The following ACACA variants were observed in gnomAD, a reference collection of about 807,000 sequenced individuals.
ACACA encodes the protein acetyl-CoA carboxylase 1.
A neutral mutation model predicts 296.1 loss-of-function variants in ACACA; 103 were observed. The ratio of observed to expected loss-of-function variants is 0.35; its 90% confidence interval spans 0.30 to 0.41. The LOEUF is 0.41. Among genes scored for constraint, ACACA ranks in the 10% least tolerant of loss-of-function variants. The pLI, the probability that ACACA is intolerant of heterozygous loss-of-function variation, is 1.00. For synonymous variants in ACACA, 953 were observed against 1,038.6 expected, an observed-to-expected ratio of 0.92 and a Z score of 1.58; for missense variants, 1,554 against 2,989.7, an observed-to-expected ratio of 0.52 and a Z score of 11.20.
chr17:37,325,753 T>A (rs1225630351), intron 3 of ACACA, among the ~76,000 whole-genome samples: 1 of 151,916 alleles, frequency 6.6e-6, no homozygotes, highest in South Asian at 2.1e-4. Context: ...TTTGTATTTT[T>A]AGTAGAGATG....
chr17:37,282,514 CCTTT>C (rs1441065794), intron 5 of ACACA, among the ~76,000 whole-genome samples: 3 of 152,072 alleles, frequency 2.0e-5, no homozygotes, highest in Non-Finnish European at 4.4e-5. Flanking sequence ...GATATAATAA[CCTTT>C]CTTTCTTAGG....
At chr17:37,304,789 CA>C (rs34671149) in intron 3 of ACACA, among the ~76,000 whole-genome samples, 152 of 134,914 alleles carry the variant, frequency 1.1e-3, no homozygotes, top group South Asian at 4.0e-3. Context: ...AACTCTGTCT[CA>C]AAAAAAAAAA....
intron 10 of ACACA, 148 bp downstream of exon 10, chr17:37,270,603 G>T: frequency 1.5e-6 from 1 of 656,574 alleles, no homozygotes; most frequent in Non-Finnish European, 2.7e-6. Flanking sequence ...CTGCTAATAT[G>T]CAGGTAGAAA....
intron 52 of ACACA, among the ~76,000 whole-genome samples, chr17:37,103,010 GT>G (rs2073454482): frequency 6.6e-6 from 1 of 152,164 alleles, no homozygotes; most frequent in Non-Finnish European, 1.5e-5. Flanking sequence ...GAATATATGT[GT>G]TTTTAAATGC....
At chr17:37,215,961 A>G (rs1318740511) in intron 29 of ACACA, among the ~76,000 whole-genome samples, 2 of 152,190 alleles carry the variant, frequency 1.3e-5, no homozygotes, top group Non-Finnish European at 2.9e-5. Flanking sequence ...CTCCCTTAGT[A>G]TAGACTAGTT....
intron 3 of ACACA, chr17:37,299,734 A>G (rs1598432883): frequency 1.0e-6 from 1 of 1,003,830 alleles, no homozygotes; most frequent in East Asian, 1.0e-4. Context: ...CTGACAGTCA[A>G]CGGAGAAAAG....
At position 37,129,471 on chromosome 17, in the gene ACACA, T is replaced by C; in HGVS notation, c.5838A>G (p.Ser1946=). The C allele has an allele frequency of 6.2e-7, 1 of 1,614,080 alleles. No homozygotes were observed. Among genetic ancestry groups the C allele is most frequent in the Non-Finnish European group, 8.5e-7 (1 of 1,179,978 alleles). Residue 1946 remains serine (S), a synonymous_variant, in exon 47 of 56, where the codon TCA becomes TCG. Coordinates refer to ENST00000616317, the MANE Select transcript of ACACA (RefSeq NM_198834.3). ...GATCCTTTGAGTTCAGAAGAGGAAC[T>C]GAACTGTGCACGCTCTAAAAGGAGA... ...LSYMPKSVHS[S]VPLLNSKDPI...
At chr17:37,351,873 C>T (rs893174699) in intron 1 of ACACA, among the ~76,000 whole-genome samples, 11 of 150,692 alleles carry the variant, frequency 7.3e-5, no homozygotes, top group Non-Finnish European at 1.5e-5. Context: ...GTTTTAGATC[C>T]ACCACCCTCA....
chr17:37,213,452 G>C (rs1354951175), intron 29 of ACACA, among the ~76,000 whole-genome samples: 1 of 151,374 alleles, frequency 6.6e-6, no homozygotes. Context: ...CCTATCTGCT[G>C]TTTGGGCTAT....
At chr17:37,340,118 G>A (rs970081260) in intron 1 of ACACA, among the ~76,000 whole-genome samples, 14 of 152,064 alleles carry the variant, frequency 9.2e-5, no homozygotes, top group African/African-American at 3.4e-4. Context: ...TTTTCCAATT[G>A]TATACTCGAT....
rs147275637 is a variant in ACACA at position 37,307,427 on chromosome 17, A to T, written c.339-22457T>A. ...TAATTTTACCTTTTTTGGTTGGGCT[A>T]TGTGTTTAACTCATTGTAATTTTAA... On this transcript the variant is annotated intron_variant, in intron 3 of 55. Coordinates refer to ENST00000616317, the MANE Select transcript of ACACA (RefSeq NM_198834.3). Among the ~76,000 whole-genome samples the T allele has an allele frequency of 1.9e-3, 292 of 152,184 alleles. 2 individuals are homozygous for T. The highest frequency in any genetic ancestry group is 6.8e-3 in the Middle Eastern group (2 of 294).
In ACACA at chr17:37,096,015, A is replaced by T. The variant is rs1425573652; in HGVS notation, c.6891+981T>A. On this transcript the variant is annotated intron_variant, in intron 54 of 55. Coordinates refer to ENST00000616317, the MANE Select transcript of ACACA (RefSeq NM_198834.3). ...CCTCTCTGTGAGATCACCCCAAGAA[A>T]ATGCCAGCTTCATAGGTCCCTTTCC... 2.0e-5 allele frequency among the ~76,000 whole-genome samples: 3 copies of T among 152,110 alleles called. No individual in the cohort carries two copies. In the East Asian group the frequency reaches 5.8e-4, roughly 29 times the overall value.
At chr17:37,266,360 G>A (rs2081772597) in intron 10 of ACACA, among the ~76,000 whole-genome samples, 2 of 151,316 alleles carry the variant, frequency 1.3e-5, no homozygotes, top group Non-Finnish European at 1.5e-5. Context: ...GTTGCAGTGA[G>A]CCGAGATCGC....
intron 3 of ACACA, among the ~76,000 whole-genome samples, chr17:37,286,746 G>A (rs2082793621): frequency 6.6e-6 from 1 of 152,034 alleles, no homozygotes; most frequent in Admixed American, 6.6e-5. Flanking sequence ...CTCACTGCCT[G>A]GGCCTATCAA....
intron 3 of ACACA, among the ~76,000 whole-genome samples, chr17:37,322,659 T>C (rs35607802): frequency 0.025 from 3,867 of 152,026 alleles, 106 homozygotes; most frequent in African/African-American, 0.055. Context: ...ACACAAGTGA[T>C]TGAACATCAA....
intron 1 of ACACA, chr17:37,379,031 C>T: frequency 7.5e-7 from 1 of 1,332,724 alleles, no homozygotes. Context: ...ATGATTGCGA[C>T]ACTGCACTCC....
At chr17:37,241,894 G>T in intron 23 of ACACA, 59 bp downstream of exon 23, 1 of 1,439,946 alleles carries the variant, frequency 6.9e-7, no homozygotes, top group Non-Finnish European at 9.8e-7. Flanking sequence ...GTGACCACTT[G>T]AAAGAAAGGA....
In ACACA at chr17:37,162,790, GAA is replaced by G. The variant is rs144772403; in HGVS notation, c.5080-742_5080-741del. 647 of 169,394 alleles carry G rather than the reference GAA, an allele frequency of 3.8e-3. 5 individuals are homozygous for G. Among genetic ancestry groups the G allele is most frequent in the African/African-American group, 0.015 (606 of 41,632 alleles). 10.5% of individuals were successfully genotyped at this position (169,394 alleles called of 1,614,324 possible). A position where few individuals can be genotyped will look rare whatever the true frequency, so the allele number is the denominator to read the frequency against. On this transcript the variant is annotated intron_variant, in intron 41 of 55. Coordinates refer to ENST00000616317, the MANE Select transcript of ACACA (RefSeq NM_198834.3). ...CTAAAGAAGATAAGGAGTCTTCAGG[GAA>G]AATTGTCTACTGTAGGTAGGTGTTT...
chr17:37,369,490 G>A (rs999511075), intron 1 of ACACA: 1 of 151,900 alleles, frequency 6.6e-6, no homozygotes, highest in Non-Finnish European at 1.5e-5. Flanking sequence ...GCAAGACCCT[G>A]TCAAAATAAA....
Sources: gnomAD v4.1 joint callset for allele counts (sites outside exome capture counted in the v4.1 genomes callset) on GRCh38, gnomAD v4.1.1 for gene constraint, MANE v1.5 for transcripts, NCBI Gene and HGNC (gene_info 2026-07-23, HGNC 2026-07-21) for gene names.